Variants in SNX14 observed in about 807,000 individuals in gnomAD.
SNX14 encodes the protein sorting nexin 14.
A neutral mutation model predicts 133.8 loss-of-function variants in SNX14; 93 were observed. That is an observed-to-expected ratio of 0.70 (90% CI 0.59 to 0.83). SNX14 has a LOEUF of 0.83. SNX14 is among the 40% of genes least tolerant of loss of function. The pLI is 0.00. For synonymous variants in SNX14, 368 were observed against 365.6 expected (o/e 1.01, Z -0.07); for missense variants, 945 against 1,094.9 (o/e 0.86, Z 1.93).
intron 1 of SNX14, among the ~76,000 whole-genome samples, chr6:85,593,170 C>T (rs192237637): frequency 2.0e-5 from 3 of 152,288 alleles, no homozygotes; most frequent in Admixed American, 1.3e-4. Context: ...TGGAAGAACG[C>T]GCTGCAGGTG....
At chr6:85,539,242 AG>A (rs1782858168) in intron 15 of SNX14, among the ~76,000 whole-genome samples, 1 of 152,212 alleles carries the variant, frequency 6.6e-6, no homozygotes, top group Non-Finnish European at 1.5e-5. Flanking sequence ...CTTTGTCCTT[AG>A]GCATACCATT....
intron 1 of SNX14, among the ~76,000 whole-genome samples, chr6:85,591,381 GT>G (rs1439202771): frequency 6.6e-6 from 1 of 152,012 alleles, no homozygotes; most frequent in African/African-American, 2.4e-5. Context: ...CAGTTCTAGT[GT>G]TTAAAATCAC....
chr6:85,517,646 T>A, intron 23 of SNX14, 110 bp downstream of exon 23: 2 of 1,260,512 alleles, frequency 1.6e-6, no homozygotes, highest in Non-Finnish European at 2.1e-6. Context: ...AAAGGAAATG[T>A]ATAGCTCAAT....
chr6:85,547,841 T>C (rs1320680553), intron 9 of SNX14, among the ~76,000 whole-genome samples: 1 of 152,182 alleles, frequency 6.6e-6, no homozygotes, highest in Non-Finnish European at 1.5e-5. Flanking sequence ...GGTAGAAGCA[T>C]CCAAAGTGTC....
In SNX14 at chr6:85,525,075, G is replaced by A. The variant is rs558694201; in HGVS notation, c.2107+1051C>T. Among the ~76,000 whole-genome samples the A allele has an allele frequency of 3.3e-5, 5 of 152,212 alleles. No individual in the cohort carries two copies. In the South Asian group the frequency reaches 1.0e-3, roughly 32 times the overall value. ...ATAAATAATTCATCCAAAAGTGATA[G>A]CTGAAATTAAGTGCTCAAGTATTAC... On this transcript the variant is annotated intron_variant, in intron 21 of 28. Coordinates refer to ENST00000314673, the MANE Select transcript of SNX14 (RefSeq NM_153816.6).
At chr6:85,530,082 T>C in intron 19 of SNX14, 110 bp downstream of exon 19, 2 of 624,344 alleles carry the variant, frequency 3.2e-6, no homozygotes, top group South Asian at 2.0e-5. Context: ...AGCATCAATG[T>C]TGTATTTCTT....
rs536283758 is a variant in SNX14 at position 85,554,964 on chromosome 6, GCACATGCCAC to G, written c.634+3002_634+3011del. On this transcript the variant is annotated intron_variant, in intron 7 of 28. Transcript: ENST00000314673. ...CCTCCCAAGTAGCTAGGACTTACAG[GCACATGCCAC>G]CACACTCGGCTAATTTTTTTATTTT... is the stretch of plus-strand genomic sequence containing the variant. Among the ~76,000 whole-genome samples, 227 of 151,960 alleles carry G rather than the reference GCACATGCCAC, an allele frequency of 1.5e-3. 2 individuals carry two copies. Among genetic ancestry groups the G allele is most frequent in the African/African-American group, 5.2e-3 (214 of 41,450 alleles).
At chr6:85,507,911 A>T in intron 27 of SNX14, 57 bp downstream of exon 27, 1 of 1,358,540 alleles carries the variant, frequency 7.4e-7, no homozygotes, top group African/African-American at 1.4e-5. Flanking sequence ...CAGACACCTT[A>T]CTACGTCGTT....
At chr6:85,532,507 A>T (rs1464752268) in intron 18 of SNX14, among the ~76,000 whole-genome samples, 1 of 152,226 alleles carries the variant, frequency 6.6e-6, no homozygotes, top group Admixed American at 6.5e-5. Flanking sequence ...AGTAAGAATA[A>T]TTAGCACTGA....
At position 85,536,729 on chromosome 6, in the gene SNX14, C is replaced by T. The variant is rs962345759; in HGVS notation, c.1608+63G>A. 19 of 1,501,850 alleles carry T rather than the reference C, an allele frequency of 1.3e-5. No homozygotes were observed. In the Admixed American group the frequency reaches 2.1e-4, roughly 16 times the overall value. The allele number at this position is 1,501,850 out of a possible 1,614,324, so 93.0% of individuals were successfully genotyped here. The stretch of plus-strand genomic sequence containing the variant: ...AAAAAAAGGAAAATAATGAGTATAT[C>T]TAATTTTTATGTCATAGTAAGTCTG... On this transcript the variant is annotated intron_variant, in intron 17 of 28. Coordinates refer to ENST00000314673, the MANE Select transcript of SNX14 (RefSeq NM_153816.6).
At chr6:85,562,846 C>T (rs1316329404) in intron 6 of SNX14, among the ~76,000 whole-genome samples, 1 of 151,984 alleles carries the variant, frequency 6.6e-6, no homozygotes, top group Non-Finnish European at 1.5e-5. Context: ...CCCATCTCAG[C>T]CACCTCAGAT....
intron 23 of SNX14, among the ~76,000 whole-genome samples, chr6:85,516,760 C>T (rs970944893): frequency 2.0e-5 from 3 of 151,628 alleles, no homozygotes. Flanking sequence ...GCCTCGGCCT[C>T]CCGAGTAGCT....
rs1793430431 is a variant in SNX14 at position 85,565,324 on chromosome 6, A to G, written c.549+8T>C. On this transcript the variant is annotated splice_region_variant and intron_variant, in intron 6 of 28. Transcript: ENST00000314673. ...CAAATTCCCAAATTTCTCATTAAAA[A>G]TATATACCTTGTGAATCCTTCTTAT... 6.5e-7 allele frequency: 1 copy of G among 1,546,836 alleles called. No homozygotes were observed. Among genetic ancestry groups the G allele is most frequent in the Admixed American group, 2.0e-5 (1 of 48,894 alleles).
intron 1 of SNX14, among the ~76,000 whole-genome samples, chr6:85,586,504 G>A (rs541100965): frequency 1.3e-5 from 2 of 152,214 alleles, no homozygotes; most frequent in East Asian, 3.9e-4. Context: ...TTTTATTATG[G>A]AGTAGTTATT....
At chr6:85,526,674 T>A (rs1329231233) in intron 20 of SNX14, among the ~76,000 whole-genome samples, 1 of 152,178 alleles carries the variant, frequency 6.6e-6, no homozygotes, top group Non-Finnish European at 1.5e-5. Flanking sequence ...CCTGATAAAT[T>A]TTTAAAAGTC....
At chr6:85,528,404 C>T (rs1302887436) in intron 19 of SNX14, 42 bp from the exon 20 acceptor site, 2 of 1,477,816 alleles carry the variant, frequency 1.4e-6, no homozygotes. Flanking sequence ...TGTTCTGCTA[C>T]TATTTTTAAA....
chr6:85,560,616 T>C (rs1050000411), intron 6 of SNX14, among the ~76,000 whole-genome samples: 4 of 152,206 alleles, frequency 2.6e-5, no homozygotes, highest in African/African-American at 7.2e-5. Context: ...ATACTTCAAA[T>C]GGGTGAATTA....
chr6:85,543,050 G>C (rs927642576), intron 14 of SNX14, 132 bp downstream of exon 14: 71 of 909,002 alleles, frequency 7.8e-5, no homozygotes, highest in Non-Finnish European at 9.6e-5. Flanking sequence ...TTATAGGCGT[G>C]AGCAACTGTG....
At chr6:85,580,828 A>G (rs541517076) in intron 1 of SNX14, among the ~76,000 whole-genome samples, 15 of 152,140 alleles carry the variant, frequency 9.9e-5, no homozygotes, top group Non-Finnish European at 1.3e-4. Context: ...CAGCTCAGCC[A>G]CAGTAGAATA....
Sources: gnomAD v4.1 joint callset for allele counts (sites outside exome capture counted in the v4.1 genomes callset) on GRCh38, gnomAD v4.1.1 for gene constraint, MANE v1.5 for transcripts, NCBI Gene and HGNC (gene_info 2026-07-23, HGNC 2026-07-21) for gene names.